The following DIP2C variants were observed in gnomAD, a reference collection of about 807,000 sequenced individuals.
DIP2C encodes disco-interacting protein 2 homolog C.
In DIP2C, 33 loss-of-function variants were observed where a neutral mutation model predicts 192.4. That is an observed-to-expected ratio of 0.17 (90% CI 0.13 to 0.23). The LOEUF (loss-of-function observed/expected upper bound fraction) is 0.23, where lower values mean the gene tolerates loss of function less well. DIP2C is among the 10% of genes least tolerant of loss of function. DIP2C has a pLI of 1.00. For missense variants in DIP2C, 1,537 were observed against 2,110.1 expected, an observed-to-expected ratio of 0.73 and a Z score of 5.32; for synonymous variants, 979 against 864.1, an observed-to-expected ratio of 1.13 and a Z score of -2.33.
At chr10:414,743 A>AGTGTGTG (rs1564680031) in intron 7 of DIP2C, among the ~76,000 whole-genome samples, 748 of 64,436 alleles carry the variant, frequency 0.012, 43 homozygotes, top group African/African-American at 0.039. Context: ...GTGTGTGTAC[A>AGTGTGTG]TATATATATA....
intron 32 of DIP2C, among the ~76,000 whole-genome samples, chr10:300,048 G>A (rs1472545612): frequency 1.3e-5 from 2 of 152,142 alleles, no homozygotes; most frequent in Non-Finnish European, 2.9e-5. Context: ...CCAGACCCAC[G>A]TGCACTGCTG....
At chr10:537,517 T>C (rs1847754878) in intron 1 of DIP2C, among the ~76,000 whole-genome samples, 1 of 152,112 alleles carries the variant, frequency 6.6e-6, no homozygotes, top group East Asian at 1.9e-4. Context: ...GGCTCCAGCA[T>C]CTGCCCCCCA....
At position 525,546 on chromosome 10, in the gene DIP2C, G is replaced by A. The variant is rs7093684; in HGVS notation, c.86-39016C>T. Reference sequence around the variant, plus strand: ...CTAACTGTAAAAATTCGAGCTGATTGGAACAAAGAAGATTCTGAATATGAT... The same window carrying A: ...CTAACTGTAAAAATTCGAGCTGATTAGAACAAAGAAGATTCTGAATATGAT... On this transcript the variant is annotated intron_variant, in intron 1 of 36. Coordinates refer to ENST00000280886, the MANE Select transcript of DIP2C (RefSeq NM_014974.3). Among the ~76,000 whole-genome samples the A allele has an allele frequency of 4.0e-3, 608 of 152,312 alleles. 2 individuals are homozygous for A. The highest frequency in any genetic ancestry group is 0.013 in the African/African-American group (557 of 41,554).
intron 32 of DIP2C, among the ~76,000 whole-genome samples, chr10:298,480 G>A (rs557789120): frequency 1.3e-5 from 2 of 152,300 alleles, no homozygotes; most frequent in East Asian, 1.9e-4. Context: ...TGGAGGCATC[G>A]CTCTGCTCAG....
At position 413,926 on chromosome 10, in the gene DIP2C, G is replaced by A. The variant is rs780303420; in HGVS notation, c.1044C>T (p.Tyr348=). 30 of 1,613,958 alleles carry A rather than the reference G, an allele frequency of 1.9e-5. No individual in the cohort carries two copies. Among genetic ancestry groups the A allele is most frequent in the Non-Finnish European group, 2.5e-5 (30 of 1,179,980 alleles). Residue 348 remains tyrosine (Y), a synonymous_variant, in exon 8 of 37, where the codon TAC becomes TAT. Transcript: ENST00000280886. ...TTMDTNGKPL[Y]ILTYGKLWTR... ...CCTGGGGATTACCGTAAGTGAGGAT[G>A]TAGAGGGGCTTCCCGTTGGTGTCCA...
At position 284,925 on chromosome 10, in the gene DIP2C, G is replaced by A. The variant is rs755232172; in HGVS notation, c.4119+1348C>T. Among the ~76,000 whole-genome samples, 76 of 152,178 alleles carry A rather than the reference G, an allele frequency of 5.0e-4. 1 individual carries two copies. The highest frequency in any genetic ancestry group is 9.2e-4 in the Admixed American group (14 of 15,288). On this transcript the variant is annotated intron_variant, in intron 34 of 36. Transcript: ENST00000280886. ...ATAAGAAAGTCACCCTGGAAATTTC[G>A]CCAGTTCTGGCCACCCTCAGAGGGA...
At chr10:582,151 C>T (rs1393768331) in intron 1 of DIP2C, among the ~76,000 whole-genome samples, 1 of 152,208 alleles carries the variant, frequency 6.6e-6, no homozygotes, top group East Asian at 1.9e-4. Context: ...GGCCACCCAC[C>T]CCCTGCTACA....
intron 14 of DIP2C, among the ~76,000 whole-genome samples, chr10:385,712 C>T (rs1034429083): frequency 6.6e-6 from 1 of 152,182 alleles, no homozygotes; most frequent in African/African-American, 2.4e-5. Flanking sequence ...AACACACCTG[C>T]CTCACACCGC....
intron 1 of DIP2C, among the ~76,000 whole-genome samples, chr10:603,322 AAAAAAAAAAAAC>A (rs1325986800): frequency 3.2e-4 from 44 of 136,894 alleles, no homozygotes; most frequent in African/African-American, 1.0e-3. Context: ...AAAAAAAAAA[AAAAAAAAAAAAC>A]CAACCATGAG....
At chr10:640,008 T>C (rs949122495) in intron 1 of DIP2C, among the ~76,000 whole-genome samples, 1 of 150,984 alleles carries the variant, frequency 6.6e-6, no homozygotes, top group Non-Finnish European at 1.5e-5. Context: ...TGCATGTCCC[T>C]CCACGCATCC....
chr10:301,186 C>A (rs1956028099), intron 32 of DIP2C, among the ~76,000 whole-genome samples: 4 of 152,154 alleles, frequency 2.6e-5, no homozygotes, highest in Admixed American at 2.0e-4. Context: ...GAGATGAACC[C>A]AGACCCTCTG....
chr10:519,806 T>A (rs1405455557), intron 1 of DIP2C, among the ~76,000 whole-genome samples: 1 of 152,244 alleles, frequency 6.6e-6, no homozygotes, highest in Admixed American at 6.5e-5. Flanking sequence ...AGCACAGCTG[T>A]GACGTGGAGA....
chr10:596,177 A>T (rs561584585), intron 1 of DIP2C, among the ~76,000 whole-genome samples: 3 of 152,220 alleles, frequency 2.0e-5, no homozygotes, highest in South Asian at 4.2e-4. Context: ...AAATAAAAGT[A>T]ACCTAAGTAT....
At chr10:534,972 G>T (rs562058203) in intron 1 of DIP2C, among the ~76,000 whole-genome samples, 1 of 152,136 alleles carries the variant, frequency 6.6e-6, no homozygotes, top group African/African-American at 2.4e-5. Flanking sequence ...CACCGCGCCC[G>T]GCCTGGATGA....
chr10:470,005 T>C (rs778202535), intron 3 of DIP2C, among the ~76,000 whole-genome samples: 1 of 151,070 alleles, frequency 6.6e-6, no homozygotes, highest in Non-Finnish European at 1.5e-5. Flanking sequence ...GGTGGGGAGG[T>C]GGATGGTGGA....
At chr10:550,868 A>G (rs1478987361) in intron 1 of DIP2C, among the ~76,000 whole-genome samples, 1 of 152,220 alleles carries the variant, frequency 6.6e-6, no homozygotes, top group Non-Finnish European at 1.5e-5. Context: ...GGGACTGAGA[A>G]GGTCAGCACA....
At chr10:673,941 A>G (rs750940983) in intron 1 of DIP2C, among the ~76,000 whole-genome samples, 3 of 152,244 alleles carry the variant, frequency 2.0e-5, no homozygotes, top group Non-Finnish European at 2.9e-5. Context: ...TGTTCCTAAT[A>G]ACAGGAAATG....
intron 1 of DIP2C, among the ~76,000 whole-genome samples, chr10:578,871 A>C (rs1395298968): frequency 6.6e-6 from 1 of 152,000 alleles, no homozygotes; most frequent in Non-Finnish European, 1.5e-5. Context: ...ACACTAACAC[A>C]CATGTACGTG....
intron 1 of DIP2C, among the ~76,000 whole-genome samples, chr10:510,756 T>C (rs1845957815): frequency 6.6e-6 from 1 of 152,218 alleles, no homozygotes; most frequent in Non-Finnish European, 1.5e-5. Flanking sequence ...TTCCAGCGCC[T>C]CCGTGTGCCG....
Sources: gnomAD v4.1 joint callset for allele counts (sites outside exome capture counted in the v4.1 genomes callset) on GRCh38, gnomAD v4.1.1 for gene constraint, MANE v1.5 for transcripts, NCBI Gene and HGNC (gene_info 2026-07-23, HGNC 2026-07-21) for gene names.